The following HELZ variants were observed in gnomAD, a reference collection of about 807,000 sequenced individuals.
HELZ encodes the protein helicase with zinc finger, also known as ATP-dependent RNA helicase with zinc finger domain.
Under a neutral mutation model 218.2 loss-of-function variants are expected in HELZ, and 23 were observed. The ratio of observed to expected loss-of-function variants is 0.11; its 90% CI spans 0.08 to 0.15. The LOEUF is 0.15. Among genes scored for constraint, HELZ ranks in the 10% least tolerant of loss-of-function variants. The probability of loss-of-function intolerance (pLI) is 1.00; values close to 1 mark genes in which losing one functional copy is unlikely to be tolerated. For synonymous variants in HELZ, 814 were observed against 829.4 expected, an observed-to-expected ratio of 0.98 and a Z score of 0.32; for missense variants, 1,813 against 2,353.7, an observed-to-expected ratio of 0.77 and a Z score of 4.75.
chr17:67,120,351 A>G, intron 27 of HELZ, 54 bp downstream of exon 27: 2 of 1,436,840 alleles, frequency 1.4e-6, no homozygotes, highest in Non-Finnish European at 9.8e-7. Flanking sequence ...CTATGTGGCT[A>G]AAACTTTACC....
rs2143510983 is a variant in HELZ at position 67,078,167 on chromosome 17, C to T, written c.*85G>A. On this transcript the variant is annotated 3_prime_UTR_variant, in exon 33 of 33. Coordinates refer to ENST00000358691, the MANE Select transcript of HELZ (RefSeq NM_014877.4). ...TAATATTAAAACAAAGGGAACTGTG[C>T]ATCTATAGATGAAGTCCAACTACCT... The T allele has an allele frequency of 3.5e-6, 3 of 862,088 alleles. No homozygotes were observed. The highest frequency in any genetic ancestry group is 5.6e-6 in the Non-Finnish European group (3 of 533,946). 53.4% of individuals were successfully genotyped at this position (862,088 alleles called of 1,614,324 possible).
chr17:67,106,149 T>G (rs776055834), intron 31 of HELZ, among the ~76,000 whole-genome samples: 2 of 152,096 alleles, frequency 1.3e-5, no homozygotes, highest in African/African-American at 2.4e-5. Context: ...CATTTTTATC[T>G]TTAATCACTG....
intron 3 of HELZ, among the ~76,000 whole-genome samples, chr17:67,219,396 C>A (rs1043960795): frequency 1.3e-5 from 2 of 152,254 alleles, no homozygotes; most frequent in Non-Finnish European, 1.5e-5. Context: ...CAGGGCATGT[C>A]ATCTCTGCTT....
chr17:67,136,298 A>G, intron 22 of HELZ, 100 bp from the exon 23 acceptor site: 1 of 780,792 alleles, frequency 1.3e-6, no homozygotes. Flanking sequence ...GCTAAATAAC[A>G]AACATTGGCG....
chr17:67,193,912 A>G (rs969009067), intron 9 of HELZ, 55 bp downstream of exon 9: 3 of 1,316,626 alleles, frequency 2.3e-6, no homozygotes, highest in Admixed American at 1.8e-5. Flanking sequence ...AAGGAAAATT[A>G]TCTGTCCTTT....
chr17:67,161,058 C>A lies in HELZ; in HGVS notation c.1914G>T (p.Leu638Phe), dbSNP rs1457995649. The change falls in exon 16 of 33, where the codon TTG (leucine) becomes TTT (phenylalanine). Residue 638 changes from leucine (L) to phenylalanine (F), a missense_variant. Around this residue, in one of 4 missense-constraint regions of HELZ, gnomAD observed 714 missense variants for 1,029.2 expected, o/e 0.69. Coordinates refer to ENST00000358691, the MANE Select transcript of HELZ (RefSeq NM_014877.4). ...WSPNRQWDEQ[L>F]DPRLNAKQKE... ...TCTGTTTTGCATTTAGTCGAGGATCCAACTGTTCATCCCATTGTCTATGGA... is the reference window on the plus strand; with the variant it reads ...TCTGTTTTGCATTTAGTCGAGGATCAAACTGTTCATCCCATTGTCTATGGA... The A allele has an allele frequency of 6.2e-7, 1 of 1,609,950 alleles. No homozygotes were observed. Among genetic ancestry groups the A allele is most frequent in the South Asian group, 1.1e-5 (1 of 90,194 alleles).
intron 23 of HELZ, among the ~76,000 whole-genome samples, chr17:67,129,418 CTATG>C (rs1333209847): frequency 6.6e-6 from 1 of 151,832 alleles, no homozygotes; most frequent in Non-Finnish European, 1.5e-5. Context: ...TATGTGTAAT[CTATG>C]TGTGTGTGTA....
chr17:67,221,085 C>T (rs1028176643), intron 3 of HELZ, among the ~76,000 whole-genome samples: 55 of 152,216 alleles, frequency 3.6e-4, no homozygotes, highest in African/African-American at 1.3e-3. Context: ...AGCAATGTTG[C>T]CCATTAGACA....
At position 67,086,820 on chromosome 17, in the gene HELZ, C is replaced by G. The variant is rs1326005830; in HGVS notation, c.5494+9G>C. On this transcript the variant is annotated intron_variant, in intron 32 of 32. Coordinates refer to ENST00000358691, the MANE Select transcript of HELZ (RefSeq NM_014877.4). The stretch of plus-strand genomic sequence containing the variant: ...TACAGATTAGTTTTAGCCACCAACT[C>G]TGTCTTACCTATCAACTCTCTGGGC... 2 of 1,613,132 alleles carry G rather than the reference C, an allele frequency of 1.2e-6. No homozygotes were observed. Among genetic ancestry groups the G allele is most frequent in the Non-Finnish European group, 1.7e-6 (2 of 1,179,540 alleles).
At chr17:67,172,406 G>A (rs2039339679) in intron 13 of HELZ, among the ~76,000 whole-genome samples, 1 of 152,128 alleles carries the variant, frequency 6.6e-6, no homozygotes, top group Non-Finnish European at 1.5e-5. Flanking sequence ...TTAGAAATCA[G>A]CAGTGACTAG....
intron 31 of HELZ, among the ~76,000 whole-genome samples, chr17:67,097,231 T>C (rs1396133307): frequency 2.6e-5 from 4 of 152,070 alleles, no homozygotes; most frequent in Non-Finnish European, 1.5e-5. Context: ...AAAGAAATAA[T>C]GAAAAAGTTT....
intron 3 of HELZ, chr17:67,224,498 G>T (rs950760558): frequency 2.1e-5 from 6 of 288,390 alleles, no homozygotes; most frequent in African/African-American, 1.3e-4. Flanking sequence ...AACCAAGACA[G>T]TCTTAATTTA....
At chr17:67,158,142 A>G (rs1294601933) in intron 17 of HELZ, among the ~76,000 whole-genome samples, 1 of 152,240 alleles carries the variant, frequency 6.6e-6, no homozygotes, top group Non-Finnish European at 1.5e-5. Context: ...GCACATTTAC[A>G]ACTGTATTCA....
At position 67,145,356 on chromosome 17, in the gene HELZ, T is replaced by C. The variant is rs144955414; in HGVS notation, c.2769+387A>G. ...CGCTGTCTGGGTCCCTGTGATCTCTTTGGAGCATAGAATTCTGCAATTCAA... is the reference window on the plus strand; with the variant it reads ...CGCTGTCTGGGTCCCTGTGATCTCTCTGGAGCATAGAATTCTGCAATTCAA... On this transcript the variant is annotated intron_variant, in intron 21 of 32. Transcript: ENST00000358691. Among the ~76,000 whole-genome samples the C allele has an allele frequency of 5.3e-5, 8 of 152,352 alleles. No individual in the cohort carries two copies. In the East Asian group the frequency reaches 7.7e-4, roughly 15 times the overall value.
intron 8 of HELZ, 60 bp downstream of exon 8, chr17:67,195,355 ATAAT>A: frequency 3.2e-6 from 3 of 943,930 alleles, no homozygotes; most frequent in South Asian, 2.8e-5. Flanking sequence ...TTTTCTCCCA[ATAAT>A]TAATAAAAGC....
chr17:67,238,692 A>G (rs887468421), intron 3 of HELZ, among the ~76,000 whole-genome samples: 3 of 152,208 alleles, frequency 2.0e-5, no homozygotes, highest in Non-Finnish European at 4.4e-5. Context: ...GTCTCAAAAA[A>G]ATAATAATAA....
intron 21 of HELZ, among the ~76,000 whole-genome samples, chr17:67,140,168 T>C (rs959490698): frequency 6.6e-5 from 10 of 152,214 alleles, no homozygotes; most frequent in African/African-American, 2.4e-4. Context: ...CGGCACCAGC[T>C]GGATGGAAGC....
At chr17:67,241,517 G>A (rs1218674521) in intron 2 of HELZ, among the ~76,000 whole-genome samples, 2 of 152,172 alleles carry the variant, frequency 1.3e-5, no homozygotes, top group Non-Finnish European at 2.9e-5. Flanking sequence ...TCATGAATAT[G>A]CTGTAGATTT....
In HELZ at chr17:67,188,253, C is replaced by A; in HGVS notation, c.1162+66G>T. On this transcript the variant is annotated intron_variant, in intron 12 of 32. Coordinates refer to ENST00000358691, the MANE Select transcript of HELZ (RefSeq NM_014877.4). This position sits in a 1 kb window ranked among gnomAD's most constrained non-coding sequence, Gnocchi z 4.1. The stretch of plus-strand genomic sequence containing the variant: ...CCTATCCATGGAATATATTCAGGGG[C>A]CAATACATATCTTTGAATGTTGCTT... The A allele has an allele frequency of 7.1e-7, 1 of 1,403,296 alleles. No homozygotes were observed. The highest frequency in any genetic ancestry group is 9.8e-7 in the Non-Finnish European group (1 of 1,017,694). 86.9% of individuals were successfully genotyped at this position (1,403,296 alleles called of 1,614,324 possible).
Sources: allele counts gnomAD v4.1 joint callset (sites outside exome capture counted in the v4.1 genomes callset), GRCh38; gene constraint gnomAD v4.1.1; regional missense constraint gnomAD v4.1.1; non-coding constraint Gnocchi (gnomAD v3.1); transcripts MANE v1.5; gene names NCBI Gene and HGNC (gene_info 2026-07-23, HGNC 2026-07-21).